The following VPS13B variants were observed in gnomAD, a reference collection of about 807,000 sequenced individuals.
The protein encoded by VPS13B is intermembrane lipid transfer protein VPS13B.
In VPS13B, 285 loss-of-function variants were observed where a neutral mutation model predicts 426.4. That is an observed-to-expected ratio of 0.67 (90% confidence interval 0.61 to 0.74). The LOEUF (loss-of-function observed/expected upper bound fraction) is 0.74. VPS13B is among the 30% of genes least tolerant of loss of function. The probability of loss-of-function intolerance (pLI) is 0.00; values close to 1 mark genes in which losing one functional copy is unlikely to be tolerated. For missense variants in VPS13B, 4,537 were observed against 4,782.6 expected (o/e 0.95, Z 1.51); for synonymous variants, 1,676 against 1,676.4 (o/e 1.00, Z 0.01).
At chr8:99,364,674 C>T (rs1812751297) in intron 19 of VPS13B, among the ~76,000 whole-genome samples, 1 of 152,246 alleles carries the variant, frequency 6.6e-6, no homozygotes, top group Non-Finnish European at 1.5e-5. Context: ...TTGAAGCAAT[C>T]CCCCTGCCTC....
chr8:99,529,476 A>T (rs1822819571), intron 30 of VPS13B, among the ~76,000 whole-genome samples: 1 of 152,210 alleles, frequency 6.6e-6, no homozygotes, highest in African/African-American at 2.4e-5. Context: ...GAAAATATTC[A>T]TCACTATTAA....
At chr8:99,145,160 A>G (rs563232873) in intron 13 of VPS13B, among the ~76,000 whole-genome samples, 2 of 152,314 alleles carry the variant, frequency 1.3e-5, no homozygotes, top group African/African-American at 4.8e-5. Context: ...TTTAGGGACC[A>G]TGTAGTCTGG....
At chr8:99,875,192 T>C in intron 61 of VPS13B, 1 of 623,592 alleles carries the variant, frequency 1.6e-6, no homozygotes. Context: ...ATGCTTATTC[T>C]AAGGAGGCTG....
In VPS13B at chr8:99,258,744, A is replaced by G. The variant is rs189381893; in HGVS notation, c.2516-15454A>G. Among the ~76,000 whole-genome samples, 23 of 152,152 alleles carry G rather than the reference A, an allele frequency of 1.5e-4. No homozygotes were observed. In the East Asian group the frequency reaches 3.7e-3, roughly 24 times the overall value. On this transcript the variant is annotated intron_variant, in intron 17 of 61. Transcript: ENST00000357162. ...TTTCATATTCCATTTTGTCATATTT[A>G]TGGTCTTCGATCCATTGTAGATAAT...
intron 23 of VPS13B, among the ~76,000 whole-genome samples, chr8:99,448,627 G>A (rs1291069642): frequency 6.6e-6 from 1 of 152,122 alleles, no homozygotes; most frequent in Non-Finnish European, 1.5e-5. Context: ...TGGTTTCAGT[G>A]TCATGCCTGT....
chr8:99,754,090 T>G (rs1940557404), intron 39 of VPS13B, among the ~76,000 whole-genome samples: 1 of 151,442 alleles, frequency 6.6e-6, no homozygotes, highest in Non-Finnish European at 1.5e-5. Flanking sequence ...TAAGGGTTTT[T>G]TTTTTTTTTT....
intron 35 of VPS13B, among the ~76,000 whole-genome samples, chr8:99,692,713 T>G (rs1296463772): frequency 1.5e-5 from 2 of 136,378 alleles, no homozygotes; most frequent in Non-Finnish European, 3.1e-5. Context: ...CTGAAGGAAA[T>G]AGAGAAACAA....
At chr8:99,690,236 C>A (rs1376683061) in intron 35 of VPS13B, among the ~76,000 whole-genome samples, 2 of 152,148 alleles carry the variant, frequency 1.3e-5, no homozygotes, top group African/African-American at 4.8e-5. Context: ...GCTGACATAA[C>A]TAGATATCCA....
Position 99,192,866 on chromosome 8 carries a change from T to C in VPS13B, c.2334-10T>C. The C allele has an allele frequency of 1.2e-6, 2 of 1,612,380 alleles. No individual in the cohort carries two copies. Among genetic ancestry groups the C allele is most frequent in the Non-Finnish European group, 1.7e-6 (2 of 1,179,686 alleles). ...TACTGTATTGCGATTCTTTCTGTTT[T>C]CTTGTGCAGGACCAAAAGATCTCAG... On this transcript the variant is annotated splice_polypyrimidine_tract_variant and intron_variant, in intron 16 of 61. Transcript: ENST00000357162.
At chr8:99,273,196 G>T (rs929341091) in intron 17 of VPS13B, among the ~76,000 whole-genome samples, 1 of 136,624 alleles carries the variant, frequency 7.3e-6, no homozygotes, top group Non-Finnish European at 1.5e-5. Flanking sequence ...GTCTCTCTCT[G>T]TCGCTAGGCT....
At chr8:99,677,415 A>G (rs896666274) in intron 35 of VPS13B, among the ~76,000 whole-genome samples, 8 of 151,242 alleles carry the variant, frequency 5.3e-5, no homozygotes, top group African/African-American at 2.0e-4. Context: ...CTATATTATC[A>G]TAGTTTGTTT....
intron 19 of VPS13B, among the ~76,000 whole-genome samples, chr8:99,301,375 C>A (rs1035560901): frequency 1.3e-5 from 2 of 150,924 alleles, no homozygotes; most frequent in Non-Finnish European, 2.9e-5. Flanking sequence ...CTCACCGCAA[C>A]CTCCACCTTC....
At chr8:99,776,699 T>C in intron 40 of VPS13B, 76 bp from the exon 41 acceptor site, 2 of 1,398,412 alleles carry the variant, frequency 1.4e-6, no homozygotes, top group Non-Finnish European at 2.0e-6. Context: ...TAGAAACCCT[T>C]ATAAAAAGAC....
chr8:99,369,122 C>T (rs1813042031), intron 19 of VPS13B, among the ~76,000 whole-genome samples: 2 of 152,248 alleles, frequency 1.3e-5, no homozygotes, highest in African/African-American at 4.8e-5. Context: ...TAAAGTTGTA[C>T]CTATCCCTTA....
intron 17 of VPS13B, among the ~76,000 whole-genome samples, chr8:99,232,714 C>T (rs534482127): frequency 1.3e-5 from 2 of 152,296 alleles, no homozygotes; most frequent in African/African-American, 4.8e-5. Context: ...GCTTTGAACA[C>T]GTTCACCTAT....
chr8:99,787,417 A>C (rs1434475662), intron 43 of VPS13B, among the ~76,000 whole-genome samples: 1 of 152,198 alleles, frequency 6.6e-6, no homozygotes, highest in Non-Finnish European at 1.5e-5. Flanking sequence ...ATCTCACAAC[A>C]GTTTCTTGCC....
At chr8:99,289,689 G>T (rs1412071838) in intron 19 of VPS13B, among the ~76,000 whole-genome samples, 1 of 152,210 alleles carries the variant, frequency 6.6e-6, no homozygotes, top group South Asian at 2.1e-4. Context: ...AGGCCAAAAT[G>T]TATCACCTCT....
chr8:99,856,464 G>A (rs1446383724), intron 56 of VPS13B, among the ~76,000 whole-genome samples: 1 of 152,248 alleles, frequency 6.6e-6, no homozygotes, highest in Admixed American at 6.5e-5. Context: ...TCTCACTTGA[G>A]TCAGAGTGCC....
At chr8:99,470,508 A>ACT (rs1819345379) in intron 24 of VPS13B, among the ~76,000 whole-genome samples, 1 of 152,200 alleles carries the variant, frequency 6.6e-6, no homozygotes, top group Non-Finnish European at 1.5e-5. Context: ...AAGGAAGAAA[A>ACT]CCATATTATG....
Sources: gnomAD v4.1 joint callset for allele counts (sites outside exome capture counted in the v4.1 genomes callset) on GRCh38, gnomAD v4.1.1 for gene constraint, MANE v1.5 for transcripts, NCBI Gene and HGNC (gene_info 2026-07-23, HGNC 2026-07-21) for gene names.